MYH14: variants seen among roughly 807,000 people sequenced by gnomAD.
MYH14 encodes myosin-14.
Under a neutral mutation model 255.5 loss-of-function variants are expected in MYH14, and 123 were observed. The ratio of observed to expected loss-of-function variants is 0.48; its 90% CI spans 0.42 to 0.56. MYH14 has a LOEUF of 0.56. Ranked by LOEUF, MYH14 falls within the 20% of genes least tolerant of loss-of-function variation. MYH14 has a pLI of 0.00. For missense variants in MYH14, 2,423 were observed against 2,802.3 expected, an observed-to-expected ratio of 0.86 and a Z score of 3.06; for synonymous variants, 1,095 against 1,161.2, an observed-to-expected ratio of 0.94 and a Z score of 1.16.
chr19:50,235,449 G>C lies in MYH14; in HGVS notation c.1114+3379G>C, dbSNP rs145979553. On this transcript the variant is annotated intron_variant, in intron 10 of 42. Coordinates refer to ENST00000642316, the MANE Select transcript of MYH14 (RefSeq NM_001145809.2). ...AGAGACCCCCCTGGACCCTGGCCCA[G>C]CACTCTGGCCTAGGTTAGTCTGGGC... Among the ~76,000 whole-genome samples, 93 of 151,508 alleles carry C rather than the reference G, an allele frequency of 6.1e-4. 1 individual carries two copies. The East Asian group carries it at 0.018, about 29-fold the overall frequency.
intron 23 of MYH14, among the ~76,000 whole-genome samples, 164 bp from the exon 24 acceptor site, chr19:50,267,997 A>T (rs990791098): frequency 2.0e-5 from 3 of 151,956 alleles, no homozygotes; most frequent in African/African-American, 7.3e-5. Flanking sequence ...TCATCCTGAG[A>T]TGGGGACCTG....
chr19:50,210,827 C>A (rs1029600910), intron 2 of MYH14, 57 bp downstream of exon 2: 8 of 1,526,676 alleles, frequency 5.2e-6, no homozygotes, highest in African/African-American at 4.2e-5. Context: ...GTTGGGGAAC[C>A]AGGTCCACCA....
chr19:50,268,671 C>A (rs1340203660), intron 24 of MYH14, among the ~76,000 whole-genome samples: 1 of 151,904 alleles, frequency 6.6e-6, no homozygotes, highest in South Asian at 2.1e-4. Flanking sequence ...CAAGTGATAT[C>A]CTCAGCTTCA....
At chr19:50,206,828 A>G (rs954673269) in intron 1 of MYH14, among the ~76,000 whole-genome samples, 1 of 152,004 alleles carries the variant, frequency 6.6e-6, no homozygotes, top group Non-Finnish European at 1.5e-5. Context: ...TCTATCGGGC[A>G]GAGGTGAAGT....
rs1451515281 is a variant in MYH14 at position 50,278,108 on chromosome 19, G to A, written c.3851G>A (p.Arg1284Gln). 1.0e-5 allele frequency: 16 copies of A among 1,594,558 alleles called. No individual in the cohort carries two copies. Among genetic ancestry groups the A allele is most frequent in the South Asian group, 4.5e-5 (4 of 89,466 alleles). The change falls in exon 30 of 43, where the codon CGG (arginine) becomes CAG (glutamine). Residue 1284 changes from arginine to glutamine, a missense_variant. Arg to Gln is a conservative substitution (Grantham distance 43, BLOSUM62 1). This residue lies in a region of MYH14 where 1,513 missense variants were observed against 1,674.8 expected (regional missense o/e 0.90). Transcript: ENST00000642316. ...GGCAAAGGTGCATGGGAGAAGACCC[G>A]GCTGGCCCTGGAGGCCGAGGTGTCC... ...RRGKGAWEKTRLALEAEVSEL... is the reference protein window; with the variant it reads ...RRGKGAWEKTQLALEAEVSEL...
intron 25 of MYH14, 64 bp from the exon 26 acceptor site, chr19:50,271,785 T>A (rs2035310773): frequency 1.2e-5 from 20 of 1,600,294 alleles, no homozygotes; most frequent in Non-Finnish European, 8.5e-7. Context: ...AAGCTGCAGA[T>A]CAGGTAAGGG....
chr19:50,248,558 G>A (rs1246080521), intron 12 of MYH14, among the ~76,000 whole-genome samples: 1 of 152,180 alleles, frequency 6.6e-6, no homozygotes, highest in Admixed American at 6.5e-5. Context: ...CACTGACCCG[G>A]GTTCAATCTC....
chr19:50,289,852 C>T (rs1394414259), intron 35 of MYH14, among the ~76,000 whole-genome samples: 1 of 152,100 alleles, frequency 6.6e-6, no homozygotes, highest in Non-Finnish European at 1.5e-5. Flanking sequence ...CCCCACCTGC[C>T]TGCCACTCAG....
chr19:50,297,836 T>C (rs1322654826), intron 39 of MYH14, among the ~76,000 whole-genome samples: 1 of 152,056 alleles, frequency 6.6e-6, no homozygotes, highest in East Asian at 1.9e-4. Context: ...CCGTATCAGA[T>C]TTGAGGCCCA....
intron 30 of MYH14, among the ~76,000 whole-genome samples, chr19:50,279,556 C>T (rs957838830): frequency 6.6e-6 from 1 of 152,146 alleles, no homozygotes; most frequent in Non-Finnish European, 1.5e-5. Flanking sequence ...TCACTTGCAC[C>T]TGGGAGGCGG....
In MYH14 at chr19:50,301,690, T is replaced by C; in HGVS notation, c.5499T>C (p.Ala1833=). ...QVESLTTELS[A]ERSFSAKAES... ...AGTCACTGACCACAGAGCTGTCAGC[T>C]GAGCGCAGTTTCTCAGCCAAGGCAG... is the stretch of plus-strand genomic sequence containing the variant. The change falls in exon 40 of 43, where the codon GCT becomes GCC. Residue 1833 remains alanine (A), a synonymous_variant. Coordinates refer to ENST00000642316, the MANE Select transcript of MYH14 (RefSeq NM_001145809.2). 1 of 1,613,788 alleles carries C rather than the reference T, an allele frequency of 6.2e-7. No individual in the cohort carries two copies. Among genetic ancestry groups the C allele is most frequent in the Non-Finnish European group, 8.5e-7 (1 of 1,179,752 alleles).
Position 50,293,114 on chromosome 19 carries a change from C to A in MYH14, c.5257-119C>A. 2 of 739,254 alleles carry A rather than the reference C, an allele frequency of 2.7e-6. No homozygotes were observed. Among genetic ancestry groups the A allele is most frequent in the Non-Finnish European group, 4.8e-6 (2 of 413,356 alleles). 45.8% of individuals were successfully genotyped at this position (739,254 alleles called of 1,614,324 possible). A position where few individuals can be genotyped will look rare whatever the true frequency, so the allele number is the denominator to read the frequency against. On this transcript the variant is annotated intron_variant, in intron 37 of 42. Coordinates refer to ENST00000642316, the MANE Select transcript of MYH14 (RefSeq NM_001145809.2). The surrounding 1 kb of genome is among the most constrained non-coding windows in gnomAD (Gnocchi z 4.1). Reference sequence around the variant, plus strand: ...AGGTTGCAGCTCATTCCAGGGTTACCCAGGGACAGCATGAGAAAAAAGCCA... The same window carrying A: ...AGGTTGCAGCTCATTCCAGGGTTACACAGGGACAGCATGAGAAAAAAGCCA...
At chr19:50,268,761 A>C (rs1359094208) in intron 24 of MYH14, among the ~76,000 whole-genome samples, 1 of 152,204 alleles carries the variant, frequency 6.6e-6, no homozygotes, top group Non-Finnish European at 1.5e-5. Flanking sequence ...TGATATCCTC[A>C]GCTTCAGGCA....
chr19:50,292,334 G>T lies in MYH14; in HGVS notation c.5201G>T (p.Arg1734Leu). 6.3e-7 allele frequency: 1 copy of T among 1,595,932 alleles called. No homozygotes were observed. Residue 1734 changes from arginine to leucine, a missense_variant, in exon 37 of 43, where the codon CGG (arginine) becomes CTG (leucine). Arg to Leu is a moderately radical substitution (Grantham distance 102). Coordinates refer to ENST00000642316, the MANE Select transcript of MYH14 (RefSeq NM_001145809.2). ...TSREEIFSQN[R>L]ESEKRLKGLE... is the part of the protein sequence containing the mutation. The stretch of plus-strand genomic sequence containing the variant: ...CGGGAGGAGATCTTCTCCCAGAATC[G>T]GGAAAGTGAAAAGCGCCTCAAGGGC...
At chr19:50,241,264 G>A (rs1368329632) in intron 10 of MYH14, among the ~76,000 whole-genome samples, 2 of 152,050 alleles carry the variant, frequency 1.3e-5, no homozygotes, top group East Asian at 1.9e-4. Context: ...ATGAAACCCC[G>A]TCTCTACTAA....
At chr19:50,299,900 G>A (rs1195284726) in intron 39 of MYH14, among the ~76,000 whole-genome samples, 1 of 152,150 alleles carries the variant, frequency 6.6e-6, no homozygotes, top group Non-Finnish European at 1.5e-5. Flanking sequence ...AGCCGAGATC[G>A]TGCCACTACA....
chr19:50,244,705 G>A (rs1033175379), intron 11 of MYH14, among the ~76,000 whole-genome samples: 5 of 151,900 alleles, frequency 3.3e-5, no homozygotes, highest in Non-Finnish European at 5.9e-5. Flanking sequence ...GGATGGTCTC[G>A]ATCTCATGAC....
Position 50,276,780 on chromosome 19 carries a change from C to A in MYH14, c.3704C>A (p.Thr1235Lys), listed in dbSNP as rs200988515. The stretch of plus-strand genomic sequence containing the variant: ...AGGTCCAAGAGGGAACAGGAGGTGA[C>A]GGAGCTGAAGAAGACTCTGGAGGAG... ...ELRSKREQEV[T>K]ELKKTLEEET... Residue 1235 changes from threonine to lysine, a missense_variant, in exon 29 of 43, where the codon ACG (threonine) becomes AAG (lysine). Physicochemically the swap from Thr to Lys is moderately conservative, Grantham distance 78. Around this residue, in one of 3 missense-constraint regions of MYH14, gnomAD observed 1,513 missense variants for 1,674.8 expected, o/e 0.90. Transcript: ENST00000642316. The surrounding 1 kb of genome is among the most constrained non-coding windows in gnomAD (Gnocchi z 4.3). The A allele has an allele frequency of 3.7e-6, 6 of 1,613,480 alleles. No individual in the cohort carries two copies. The South Asian group carries it at 6.6e-5, about 18-fold the overall frequency.
intron 10 of MYH14, among the ~76,000 whole-genome samples, chr19:50,232,817 G>A (rs1399902641): frequency 6.6e-6 from 1 of 152,038 alleles, no homozygotes; most frequent in African/African-American, 2.4e-5. Context: ...CAGGAAAGGG[G>A]TGGCATATTT....
Sources: allele counts gnomAD v4.1 joint callset (sites outside exome capture counted in the v4.1 genomes callset), GRCh38; gene constraint gnomAD v4.1.1; regional missense constraint gnomAD v4.1.1; non-coding constraint Gnocchi (gnomAD v3.1); transcripts MANE v1.5; gene names NCBI Gene and HGNC (gene_info 2026-07-23, HGNC 2026-07-21).